Variants in SERP1 observed in about 807,000 individuals in gnomAD.
SERP1 encodes stress-associated endoplasmic reticulum protein 1.
SERP1 carries 6 observed loss-of-function variants against 8.8 expected under a neutral mutation model. The ratio of observed to expected loss-of-function variants is 0.68; its 90% confidence interval spans 0.37 to 1.35. The LOEUF (loss-of-function observed/expected upper bound fraction) is 1.35, where lower values mean the gene tolerates loss of function less well. Among genes scored for constraint, SERP1 ranks in the 40% most tolerant of loss-of-function variants. The probability of loss-of-function intolerance (pLI) is 0.02; values close to 1 mark genes in which losing one functional copy is unlikely to be tolerated. For missense variants in SERP1, 52 were observed against 86.2 expected (o/e 0.60, Z 1.57); for synonymous variants, 36 against 28.7 (o/e 1.25, Z -0.81).
intron 1 of SERP1, 84 bp from the exon 2 acceptor site, chr3:150,545,862 C>A: frequency 7.0e-7 from 1 of 1,427,214 alleles, no homozygotes; most frequent in South Asian, 1.3e-5. Flanking sequence ...GGTCGCCGGC[C>A]CCCTCACCTC....
chr3:150,545,860 G>T, intron 1 of SERP1, 82 bp from the exon 2 acceptor site: 1 of 1,441,468 alleles, frequency 6.9e-7, no homozygotes, highest in South Asian at 1.3e-5. Context: ...CCGGTCGCCG[G>T]CCCCCTCACC....
At chr3:150,545,873 A>C in intron 1 of SERP1, 95 bp from the exon 2 acceptor site, 5 of 1,385,424 alleles carry the variant, frequency 3.6e-6, no homozygotes, top group Non-Finnish European at 4.9e-6. Flanking sequence ...CCCTCACCTC[A>C]CAGGTCTCCC....
In SERP1 at chr3:150,544,343, A is replaced by C; in HGVS notation, c.*115T>G. On this transcript the variant is annotated 3_prime_UTR_variant, in exon 3 of 3. Transcript: ENST00000239944. ...AATGACACATGAAGCATGATAGGAA[A>C]GTCATTCTGAGGCAGGATGCTTTAC... 1.1e-6 allele frequency: 1 copy of C among 949,706 alleles called. No individual in the cohort carries two copies. Among genetic ancestry groups the C allele is most frequent in the Admixed American group, 1.9e-5 (1 of 53,228 alleles). The allele number at this position is 949,706 out of a possible 1,614,324, so 58.8% of individuals were successfully genotyped here.
In SERP1 at chr3:150,543,909, CTT is replaced by C. The variant is rs1319289948; in HGVS notation, c.*547_*548del. ...ATTAGACATTTAGAAGCTTTTAAAA[CTT>C]TTTAGATGCTAAAGGTTGTGGCAAA... On this transcript the variant is annotated 3_prime_UTR_variant, in exon 3 of 3. Coordinates refer to ENST00000239944, the MANE Select transcript of SERP1 (RefSeq NM_014445.4). The C allele has an allele frequency of 6.6e-6, 1 of 152,198 alleles. No homozygotes were observed. Among genetic ancestry groups the C allele is most frequent in the Non-Finnish European group, 1.5e-5 (1 of 68,032 alleles). The allele number at this position is 152,198 out of a possible 1,614,324, so 9.4% of individuals were successfully genotyped here.
Position 150,546,285 on chromosome 3 carries a change from T to C in SERP1, c.-150A>G, listed in dbSNP as rs1723014405. ...AGACGCTAGCTACGGCCGCTGGGCC[T>C]GGGCGCCGCAAGCGCGAGGTCTGAG... On this transcript the variant is annotated 5_prime_UTR_variant, in exon 1 of 3. Coordinates refer to ENST00000239944, the MANE Select transcript of SERP1 (RefSeq NM_014445.4). 1 of 856,518 alleles carries C rather than the reference T, an allele frequency of 1.2e-6. No individual in the cohort carries two copies. The highest frequency in any genetic ancestry group is 1.8e-6 in the Non-Finnish European group (1 of 570,362). 53.1% of individuals were successfully genotyped at this position (856,518 alleles called of 1,614,324 possible).
In SERP1 at chr3:150,544,374, T is replaced by TG. The variant is rs760411512; in HGVS notation, c.*83dup. The TG allele has an allele frequency of 1.6e-4, 195 of 1,216,332 alleles. No individual in the cohort carries two copies. The highest frequency in any genetic ancestry group is 2.2e-4 in the Non-Finnish European group (182 of 822,068). 75.3% of individuals were successfully genotyped at this position (1,216,332 alleles called of 1,614,324 possible). The stretch of plus-strand genomic sequence containing the variant: ...TCTGAGGCAGGATGCTTTACTGAAT[T>TG]GTTTTCAACCAGGGTATCAAACATC... On this transcript the variant is annotated 3_prime_UTR_variant, in exon 3 of 3. Coordinates refer to ENST00000239944, the MANE Select transcript of SERP1 (RefSeq NM_014445.4).
Position 150,543,884 on chromosome 3 carries a change from A to G in SERP1, c.*574T>C, listed in dbSNP as rs1248680396. On this transcript the variant is annotated 3_prime_UTR_variant, in exon 3 of 3. Transcript: ENST00000239944. Reference sequence around the variant, plus strand: ...TGTGGCTATAAGCATCTCCCTTTATATTAGACATTTAGAAGCTTTTAAAAC... The same window carrying G: ...TGTGGCTATAAGCATCTCCCTTTATGTTAGACATTTAGAAGCTTTTAAAAC... 3 of 152,228 alleles carry G rather than the reference A, an allele frequency of 2.0e-5. No homozygotes were observed. The highest frequency in any genetic ancestry group is 4.4e-5 in the Non-Finnish European group (3 of 68,042). The allele number at this position is 152,228 out of a possible 1,614,324, so 9.4% of individuals were successfully genotyped here.
In SERP1 at chr3:150,544,227, T is replaced by C; in HGVS notation, c.*231A>G. 1 of 525,210 alleles carries C rather than the reference T, an allele frequency of 1.9e-6. No homozygotes were observed. The highest frequency in any genetic ancestry group is 3.4e-6 in the Non-Finnish European group (1 of 292,056). The allele number at this position is 525,210 out of a possible 1,614,324, so 32.5% of individuals were successfully genotyped here. On this transcript the variant is annotated 3_prime_UTR_variant, in exon 3 of 3. Coordinates refer to ENST00000239944, the MANE Select transcript of SERP1 (RefSeq NM_014445.4). The stretch of plus-strand genomic sequence containing the variant: ...AGGGTCCACTACTGTATCTTAACAA[T>C]CAAATTTTATTGCTTTATTCATGTG...
chr3:150,546,039 G>A lies in SERP1; in HGVS notation c.84+13C>T, dbSNP rs758683942. On this transcript the variant is annotated intron_variant, in intron 1 of 2. Coordinates refer to ENST00000239944, the MANE Select transcript of SERP1 (RefSeq NM_014445.4). ...GGCTGCGGAACGCAGAGGGGCGCCC[G>A]CTCTTTCCTTACCGAGGTCTTGGCG... 6.2e-6 allele frequency: 10 copies of A among 1,612,998 alleles called. No individual in the cohort carries two copies. The Admixed American group carries it at 1.0e-4, about 16-fold the overall frequency.
rs1211620826 is a variant in SERP1 at position 150,545,834 on chromosome 3, C to T, written c.85-56G>A. 3.3e-6 allele frequency: 5 copies of T among 1,527,594 alleles called. No individual in the cohort carries two copies. In the African/African-American group the frequency reaches 4.1e-5, roughly 13 times the overall value. The allele number at this position is 1,527,594 out of a possible 1,614,324, so 94.6% of individuals were successfully genotyped here. The stretch of plus-strand genomic sequence containing the variant: ...GCAGAGAAACCACTCGGACCCCAGG[C>T]TCCCACGCCTGCACGCCGGTCGCCG... On this transcript the variant is annotated intron_variant, in intron 1 of 2. Transcript: ENST00000239944.
intron 2 of SERP1, 87 bp downstream of exon 2, chr3:150,545,616 G>T: frequency 7.9e-7 from 1 of 1,258,170 alleles, no homozygotes; most frequent in Non-Finnish European, 1.1e-6. Flanking sequence ...AACTACGCAG[G>T]TAGGACTCAC....
In SERP1 at chr3:150,542,903, T is replaced by C. The variant is rs185722519; in HGVS notation, c.*1555A>G. The C allele has an allele frequency of 6.5e-6, 1 of 152,732 alleles. No individual in the cohort carries two copies. Among genetic ancestry groups the C allele is most frequent in the Non-Finnish European group, 1.5e-5 (1 of 68,014 alleles). The allele number at this position is 152,732 out of a possible 1,614,324, so 9.5% of individuals were successfully genotyped here. On this transcript the variant is annotated 3_prime_UTR_variant, in exon 3 of 3. Transcript: ENST00000239944. ...GAAACAAGTACAGAGACTGATTAACTGGGTGAGAAAGGCAAGTAACAATTT... is the reference window on the plus strand; with the variant it reads ...GAAACAAGTACAGAGACTGATTAACCGGGTGAGAAAGGCAAGTAACAATTT...
In SERP1 at chr3:150,545,610, A is replaced by G. The variant is rs752606897; in HGVS notation, c.160+93T>C. On this transcript the variant is annotated intron_variant, in intron 2 of 2. Transcript: ENST00000239944. ...GTCCTCGGCAGGTGGGTTGAGAACT[A>G]CGCAGGTAGGACTCACTACTGACCG... is the stretch of plus-strand genomic sequence containing the variant. The G allele has an allele frequency of 2.2e-5, 26 of 1,194,592 alleles. No individual in the cohort carries two copies. The South Asian group carries it at 3.4e-4, about 15-fold the overall frequency. 74.0% of individuals were successfully genotyped at this position (1,194,592 alleles called of 1,614,324 possible).
Position 150,546,188 on chromosome 3 carries a change from T to A in SERP1, c.-53A>T, listed in dbSNP as rs913124209. On this transcript the variant is annotated 5_prime_UTR_variant, in exon 1 of 3. Transcript: ENST00000239944. ...CACCCCTCGGACTCGCTCACTCGCC[T>A]GCCTCCTCTGGAGCCGCTGCGAGGC... 8.2e-6 allele frequency: 13 copies of A among 1,589,020 alleles called. No individual in the cohort carries two copies. In the African/African-American group the frequency reaches 1.3e-4, roughly 16 times the overall value.
rs1306864803 is a variant in SERP1, at chr3:150,544,183, CTTAA to C, written c.*271_*274del. The C allele has an allele frequency of 2.7e-6, 1 of 374,470 alleles. No homozygotes were observed. Among genetic ancestry groups the C allele is most frequent in the Non-Finnish European group, 4.8e-6 (1 of 207,614 alleles). 23.2% of individuals were successfully genotyped at this position (374,470 alleles called of 1,614,324 possible). On this transcript the variant is annotated 3_prime_UTR_variant, in exon 3 of 3. Transcript: ENST00000239944. ...TAATAACCACATAAAAAAACTTACT[CTTAA>C]TTGACTGAATAAGTAGGGTCCACTA...
chr3:150,545,204 C>G (rs2107887004), intron 2 of SERP1, among the ~76,000 whole-genome samples: 1 of 152,162 alleles, frequency 6.6e-6, no homozygotes, highest in South Asian at 2.1e-4. Context: ...AAACATTTGA[C>G]TCACACATTA....
rs1722969173 is a variant in SERP1, at chr3:150,545,533, T to G, written c.160+170A>C. On this transcript the variant is annotated intron_variant, in intron 2 of 2. Coordinates refer to ENST00000239944, the MANE Select transcript of SERP1 (RefSeq NM_014445.4). ...GAGAAGTTTCTGGAGCACCACCCTC[T>G]GTGCATATGTGGAACAAGTAATTTG... 4.7e-6 allele frequency: 3 copies of G among 641,998 alleles called. No individual in the cohort carries two copies. In the Admixed American group the frequency reaches 8.7e-5, roughly 19 times the overall value. 39.8% of individuals were successfully genotyped at this position (641,998 alleles called of 1,614,324 possible).
In SERP1 at chr3:150,546,432, C is replaced by A. The variant is rs1042989597; in HGVS notation, c.-297G>T. On this transcript the variant is annotated 5_prime_UTR_variant, in exon 1 of 3. Coordinates refer to ENST00000239944, the MANE Select transcript of SERP1 (RefSeq NM_014445.4). ...CCGCCGCTTTGGCCGCCGCCGTGAG[C>A]GCGGAGTGAAAGAGGAAGGAAACGC... The A allele has an allele frequency of 5.4e-6, 3 of 553,014 alleles. No homozygotes were observed. Among genetic ancestry groups the A allele is most frequent in the Non-Finnish European group, 9.5e-6 (3 of 316,372 alleles). The allele number at this position is 553,014 out of a possible 1,614,324, so 34.3% of individuals were successfully genotyped here.
chr3:150,544,377 T>C lies in SERP1; in HGVS notation c.*81A>G. On this transcript the variant is annotated 3_prime_UTR_variant, in exon 3 of 3. Transcript: ENST00000239944. ...GAGGCAGGATGCTTTACTGAATTGTTTTCAACCAGGGTATCAAACATCAGG... is the reference window on the plus strand; with the variant it reads ...GAGGCAGGATGCTTTACTGAATTGTCTTCAACCAGGGTATCAAACATCAGG... The C allele has an allele frequency of 2.4e-6, 3 of 1,276,572 alleles. No homozygotes were observed. Among genetic ancestry groups the C allele is most frequent in the East Asian group, 2.3e-5 (1 of 43,066 alleles). 79.1% of individuals were successfully genotyped at this position (1,276,572 alleles called of 1,614,324 possible).
Sources: allele counts gnomAD v4.1 joint callset (sites outside exome capture counted in the v4.1 genomes callset), GRCh38; gene constraint gnomAD v4.1.1; transcripts MANE v1.5; gene names NCBI Gene and HGNC (gene_info 2026-07-23, HGNC 2026-07-21).